The following SLC5A12 variants were observed in gnomAD, a reference collection of about 807,000 sequenced individuals.
SLC5A12 encodes the protein solute carrier family 5 member 12.
SLC5A12 carries 46 observed loss-of-function variants against 72.7 expected under a neutral mutation model. That is an observed-to-expected ratio of 0.63 (90% CI 0.50 to 0.81). SLC5A12 has a LOEUF of 0.81. Ranked by LOEUF, SLC5A12 falls within the 30% of genes least tolerant of loss-of-function variation. SLC5A12 has a pLI of 0.00. For missense variants in SLC5A12, 683 were observed against 740.7 expected, an observed-to-expected ratio of 0.92 and a Z score of 0.90; for synonymous variants, 275 against 264.4, an observed-to-expected ratio of 1.04 and a Z score of -0.39.
At chr11:26,686,379 A>T (rs1044040201) in intron 10 of SLC5A12, 98 bp downstream of exon 10, 1 of 1,050,032 alleles carries the variant, frequency 9.5e-7, no homozygotes, top group Admixed American at 1.8e-5. Flanking sequence ...GTATCATTAA[A>T]TGTCAGCCTT....
At chr11:26,679,814 A>G (rs1007713931) in intron 12 of SLC5A12, among the ~76,000 whole-genome samples, 8 of 152,284 alleles carry the variant, frequency 5.3e-5, no homozygotes, top group Non-Finnish European at 1.0e-4. Context: ...TTCCATAAGC[A>G]CATGAATCAT....
At chr11:26,678,687 C>T (rs763382628) in intron 13 of SLC5A12, 25 bp downstream of exon 13, 2 of 1,562,874 alleles carry the variant, frequency 1.3e-6, no homozygotes, top group Non-Finnish European at 1.8e-6. Flanking sequence ...CTTCTTTAGT[C>T]CCAAAGGGAG....
At chr11:26,688,832 C>T (rs1049004803) in intron 9 of SLC5A12, among the ~76,000 whole-genome samples, 1 of 152,060 alleles carries the variant, frequency 6.6e-6, no homozygotes, top group Non-Finnish European at 1.5e-5. Context: ...GTTGACTAAG[C>T]AATTCCATGC....
At chr11:26,679,518 C>T (rs976526057) in intron 12 of SLC5A12, among the ~76,000 whole-genome samples, 6 of 151,902 alleles carry the variant, frequency 3.9e-5, no homozygotes, top group Non-Finnish European at 5.9e-5. Context: ...AATGGAGTGC[C>T]CATTTGGAAC....
At chr11:26,704,126 C>T (rs1030318744) in intron 4 of SLC5A12, among the ~76,000 whole-genome samples, 179 bp from the exon 5 acceptor site, 4 of 152,132 alleles carry the variant, frequency 2.6e-5, no homozygotes, top group Non-Finnish European at 5.9e-5. Flanking sequence ...GTGAAAGAGA[C>T]ATACCCCTTC....
chr11:26,694,192 T>C (rs1266631349), intron 8 of SLC5A12, among the ~76,000 whole-genome samples: 1 of 152,142 alleles, frequency 6.6e-6, no homozygotes, highest in Admixed American at 6.6e-5. Flanking sequence ...TTCCCCTACC[T>C]CTCAACCACT....
chr11:26,707,932 C>T (rs143878667), intron 4 of SLC5A12, among the ~76,000 whole-genome samples: 2 of 151,886 alleles, frequency 1.3e-5, no homozygotes, highest in Admixed American at 1.3e-4. Flanking sequence ...TGGAGTAAAA[C>T]CATGCCAGCT....
chr11:26,719,957 G>A (rs1259497790), intron 1 of SLC5A12, among the ~76,000 whole-genome samples: 1 of 152,118 alleles, frequency 6.6e-6, no homozygotes, highest in Admixed American at 6.5e-5. Flanking sequence ...ATATGCCTCA[G>A]TTTTCTAGTC....
Position 26,677,620 on chromosome 11 carries a change from T to A in SLC5A12, c.1579+1092A>T, listed in dbSNP as rs571965621. On this transcript the variant is annotated intron_variant, in intron 13 of 14. Coordinates refer to ENST00000396005, the MANE Select transcript of SLC5A12 (RefSeq NM_178498.4). ...GCCTGAAACCATTTACATAAAGACATTGAGAGAGTTGTTATTATGTGAAAG... is the reference window on the plus strand; with the variant it reads ...GCCTGAAACCATTTACATAAAGACAATGAGAGAGTTGTTATTATGTGAAAG... Among the ~76,000 whole-genome samples the A allele has an allele frequency of 2.8e-4, 42 of 152,272 alleles. No homozygotes were observed. In the South Asian group the frequency reaches 8.7e-3, roughly 32 times the overall value.
At chr11:26,704,487 T>C (rs2133198124) in intron 4 of SLC5A12, among the ~76,000 whole-genome samples, 1 of 152,268 alleles carries the variant, frequency 6.6e-6, no homozygotes, top group Admixed American at 6.5e-5. Context: ...CCACACAGAC[T>C]TTGATAAGGA....
In SLC5A12 at chr11:26,702,939, C is replaced by T. The variant is rs75174792; in HGVS notation, c.821+592G>A. Among the ~76,000 whole-genome samples, 631 of 152,260 alleles carry T rather than the reference C, an allele frequency of 4.1e-3. 4 individuals carry two copies. The highest frequency in any genetic ancestry group is 0.014 in the African/African-American group (593 of 41,544). ...GATATCTAACTAAGAAATTTCCAATCGGATAGACCAAGTAAGACAACTGTA... is the reference window on the plus strand; with the variant it reads ...GATATCTAACTAAGAAATTTCCAATTGGATAGACCAAGTAAGACAACTGTA... On this transcript the variant is annotated intron_variant, in intron 6 of 14. Coordinates refer to ENST00000396005, the MANE Select transcript of SLC5A12 (RefSeq NM_178498.4).
intron 11 of SLC5A12, 73 bp downstream of exon 11, chr11:26,683,684 G>A (rs1026939564): frequency 1.1e-5 from 14 of 1,222,476 alleles, no homozygotes; most frequent in Non-Finnish European, 1.6e-5. Context: ...TTCTAAACAG[G>A]GCTGAGAGGA....
chr11:26,673,375 T>A (rs367754948), intron 14 of SLC5A12, 27 bp downstream of exon 14: 5 of 1,520,574 alleles, frequency 3.3e-6, no homozygotes, highest in Non-Finnish European at 4.4e-6. Context: ...TCCATACACA[T>A]TTTTAGAAGC....
rs1349603442 is a variant in SLC5A12, at chr11:26,668,143, C to A, written c.*2959G>T. 1 of 151,946 alleles carries A rather than the reference C, an allele frequency of 6.6e-6. No individual in the cohort carries two copies. The highest frequency in any genetic ancestry group is 1.5e-5 in the Non-Finnish European group (1 of 67,976). The allele number at this position is 151,946 out of a possible 1,614,324, so 9.4% of individuals were successfully genotyped here. On this transcript the variant is annotated 3_prime_UTR_variant, in exon 15 of 15. Transcript: ENST00000396005. ...TTTGTGTCAGAACTCGTGTTTGAACCTAAGCCATTTGACTGCAGTTCCTCA... is the reference window on the plus strand; with the variant it reads ...TTTGTGTCAGAACTCGTGTTTGAACATAAGCCATTTGACTGCAGTTCCTCA...
intron 11 of SLC5A12, 43 bp from the exon 12 acceptor site, chr11:26,681,264 T>C: frequency 4.0e-6 from 6 of 1,483,354 alleles, no homozygotes; most frequent in Non-Finnish European, 5.4e-6. Flanking sequence ...TTGGCAAAGC[T>C]GTCTATGGAA....
chr11:26,721,960 A>G lies in SLC5A12; in HGVS notation c.-246T>C. On this transcript the variant is annotated 5_prime_UTR_variant, in exon 1 of 15. Transcript: ENST00000396005. ...TGGCACCAAGAGATGAGAATTTGAA[A>G]TCTGACCCTAGCTAAGAGCTGTCTG... 3 of 505,848 alleles carry G rather than the reference A, an allele frequency of 5.9e-6. No individual in the cohort carries two copies. The highest frequency in any genetic ancestry group is 1.1e-5 in the Non-Finnish European group (3 of 284,458). 31.3% of individuals were successfully genotyped at this position (505,848 alleles called of 1,614,324 possible). A position where few individuals can be genotyped will look rare whatever the true frequency, so the allele number is the denominator to read the frequency against.
At chr11:26,677,700 A>C (rs971412139) in intron 13 of SLC5A12, among the ~76,000 whole-genome samples, 1 of 152,152 alleles carries the variant, frequency 6.6e-6, no homozygotes, top group Non-Finnish European at 1.5e-5. Flanking sequence ...ATCTTCTTAA[A>C]TTTCAGTGAA....
chr11:26,670,988 T>A lies in SLC5A12; in HGVS notation c.*114A>T. On this transcript the variant is annotated 3_prime_UTR_variant, in exon 15 of 15. Coordinates refer to ENST00000396005, the MANE Select transcript of SLC5A12 (RefSeq NM_178498.4). Reference sequence around the variant, plus strand: ...TAGAAATAGGCACCAGACATCCCTGTCTTCTAGCAATGGCAACTATACATA... The same window carrying A: ...TAGAAATAGGCACCAGACATCCCTGACTTCTAGCAATGGCAACTATACATA... The A allele has an allele frequency of 5.5e-6, 5 of 912,598 alleles. No individual in the cohort carries two copies. In the South Asian group the frequency reaches 1.3e-4, roughly 24 times the overall value. The allele number at this position is 912,598 out of a possible 1,614,324, so 56.5% of individuals were successfully genotyped here.
intron 11 of SLC5A12, 138 bp from the exon 12 acceptor site, chr11:26,681,359 C>T: frequency 6.5e-6 from 4 of 615,442 alleles, no homozygotes; most frequent in Non-Finnish European, 1.0e-5. Flanking sequence ...AAACACTCTG[C>T]TCAAACTGCC....
Sources: allele counts gnomAD v4.1 joint callset (sites outside exome capture counted in the v4.1 genomes callset), GRCh38; gene constraint gnomAD v4.1.1; transcripts MANE v1.5; gene names NCBI Gene and HGNC (gene_info 2026-07-23, HGNC 2026-07-21).